Variants in CLDN16 observed in about 807,000 individuals in gnomAD.
CLDN16 encodes the protein claudin-16.
Under a neutral mutation model 24.6 loss-of-function variants are expected in CLDN16, and 13 were observed. The observed-to-expected ratio is 0.53, with a 90% confidence interval of 0.34 to 0.84. The LOEUF (loss-of-function observed/expected upper bound fraction) is 0.84, where lower values mean the gene tolerates loss of function less well. Ranked by LOEUF, CLDN16 falls within the 40% of genes least tolerant of loss-of-function variation. The pLI, the probability that CLDN16 is intolerant of heterozygous loss-of-function variation, is 0.01. For missense variants in CLDN16, 298 were observed against 292.7 expected (o/e 1.02, Z -0.13); for synonymous variants, 116 against 106.7 (o/e 1.09, Z -0.54).
At chr3:190,363,018 T>G (rs1717934663) in intron 1 of CLDN16, among the ~76,000 whole-genome samples, 1 of 151,990 alleles carries the variant, frequency 6.6e-6, no homozygotes, top group African/African-American at 2.4e-5. Context: ...TTCAAAAATT[T>G]TTTCAAGCGA....
the CLDN16 span, among the ~76,000 whole-genome samples, chr3:190,293,875 G>A: frequency 6.6e-6 from 1 of 152,180 alleles, no homozygotes; most frequent in East Asian, 1.9e-4. Context: ...GACAGAGGGA[G>A]AGAAATGGGA....
At chr3:190,334,096 C>T (rs1311625908) in intron 1 of CLDN16, among the ~76,000 whole-genome samples, 1 of 152,110 alleles carries the variant, frequency 6.6e-6, no homozygotes, top group Non-Finnish European at 1.5e-5. Flanking sequence ...TTTATTGCTA[C>T]TCTGCCAAAA....
At chr3:190,374,289 G>C (rs2108649221) in intron 2 of CLDN16, among the ~76,000 whole-genome samples, 1 of 151,282 alleles carries the variant, frequency 6.6e-6, no homozygotes, top group East Asian at 2.0e-4. Context: ...GTGTGTGTGT[G>C]TGTGTGTGTG....
chr3:190,343,986 A>G (rs905156641), intron 1 of CLDN16, among the ~76,000 whole-genome samples: 8 of 152,216 alleles, frequency 5.3e-5, no homozygotes, highest in African/African-American at 1.9e-4. Context: ...TAGGGCGAAT[A>G]ATGAATAAAT....
chr3:190,308,896 T>C, the CLDN16 span, among the ~76,000 whole-genome samples: 1 of 152,128 alleles, frequency 6.6e-6, no homozygotes, highest in African/African-American at 2.4e-5. Flanking sequence ...ACCTATACAA[T>C]CTGAAATCCA....
intron 3 of CLDN16, among the ~76,000 whole-genome samples, chr3:190,377,920 C>T (rs564073673): frequency 2.0e-5 from 3 of 151,900 alleles, no homozygotes; most frequent in Non-Finnish European, 4.4e-5. Flanking sequence ...CTCCAAACTC[C>T]TTTCTAGTTT....
At chr3:190,295,878 A>G in the CLDN16 span, among the ~76,000 whole-genome samples, 326 of 152,314 alleles carry the variant, frequency 2.1e-3, 3 homozygotes, top group African/African-American at 7.5e-3. Context: ...GGCTGGATCA[A>G]GAGGCTTGAT....
intron 4 of CLDN16, 69 bp downstream of exon 4, chr3:190,408,574 ATTTC>A: frequency 1.4e-6 from 2 of 1,409,990 alleles, no homozygotes; most frequent in Non-Finnish European, 1.0e-6. Context: ...GTGGAAACAA[ATTTC>A]AAAAGGAAAA....
the CLDN16 span, among the ~76,000 whole-genome samples, chr3:190,298,239 G>A: frequency 1.3e-5 from 2 of 151,802 alleles, no homozygotes; most frequent in South Asian, 4.1e-4. Context: ...CCATATACTT[G>A]TAACTTCTTT....
chr3:190,294,355 A>G, the CLDN16 span, among the ~76,000 whole-genome samples: 2 of 152,194 alleles, frequency 1.3e-5, no homozygotes, highest in Non-Finnish European at 2.9e-5. Context: ...AGCTGTGGGC[A>G]CTTAATTCAT....
chr3:190,296,347 T>C, the CLDN16 span, among the ~76,000 whole-genome samples: 1 of 151,986 alleles, frequency 6.6e-6, no homozygotes, highest in Non-Finnish European at 1.5e-5. Context: ...GGTGGCTACT[T>C]TATAAAGGGT....
intron 3 of CLDN16, among the ~76,000 whole-genome samples, chr3:190,376,578 GGGGT>G (rs1718253257): frequency 6.6e-6 from 1 of 151,932 alleles, no homozygotes; most frequent in Non-Finnish European, 1.5e-5. Flanking sequence ...GGAATATAAA[GGGGT>G]GTACATGGTC....
At chr3:190,390,272 T>C (rs1383898069) in intron 1 of CLDN16, among the ~76,000 whole-genome samples, 1 of 151,118 alleles carries the variant, frequency 6.6e-6, no homozygotes, top group Non-Finnish European at 1.5e-5. Flanking sequence ...CATGGTGGCT[T>C]ATGCCTGTAA....
At chr3:190,291,276 A>G in the CLDN16 span, among the ~76,000 whole-genome samples, 1 of 152,188 alleles carries the variant, frequency 6.6e-6, no homozygotes, top group Admixed American at 6.5e-5. Context: ...TCATACTACT[A>G]TAAAGAACTC....
intron 3 of CLDN16, 133 bp downstream of exon 3, chr3:190,405,059 G>T: frequency 2.3e-6 from 2 of 871,874 alleles, no homozygotes; most frequent in Non-Finnish European, 3.8e-6. Flanking sequence ...AAAAACTAAA[G>T]GTCACTTCTA....
At chr3:190,320,071 T>TGG (rs199732640), upstream of CLDN16, among the ~76,000 whole-genome samples, 5 of 147,202 alleles carry the variant, frequency 3.4e-5, no homozygotes, top group African/African-American at 1.0e-4. Flanking sequence ...CTAAAGTGTG[T>TGG]GTGGGGGGGT....
At chr3:190,347,551 A>G (rs1308275087) in intron 1 of CLDN16, among the ~76,000 whole-genome samples, 1 of 152,192 alleles carries the variant, frequency 6.6e-6, no homozygotes, top group Non-Finnish European at 1.5e-5. Flanking sequence ...CCACATGTCA[A>G]TTATTATCTT....
intron 2 of CLDN16, among the ~76,000 whole-genome samples, chr3:190,374,282 T>TGTGTGTGC (rs1413087369): frequency 1.9e-5 from 2 of 104,402 alleles, no homozygotes; most frequent in Non-Finnish European, 3.8e-5. Flanking sequence ...TGTGTGTGTG[T>TGTGTGTGC]GTGTGTGTGT....
intron 3 of CLDN16, among the ~76,000 whole-genome samples, chr3:190,379,138 T>A (rs1718306091): frequency 3.3e-5 from 5 of 152,074 alleles, no homozygotes; most frequent in Admixed American, 3.3e-4. Context: ...TCAGATCAAC[T>A]GAACAATTGT....
Sources: gnomAD v4.1 joint callset for allele counts (sites outside exome capture counted in the v4.1 genomes callset) on GRCh38, gnomAD v4.1.1 for gene constraint, MANE v1.5 for transcripts, NCBI Gene and HGNC (gene_info 2026-07-23, HGNC 2026-07-21) for gene names.